The following SPNS3 variants were observed in gnomAD, a reference collection of about 807,000 sequenced individuals.
SPNS3 encodes the protein protein spinster homolog 3.
Under a neutral mutation model 54.4 loss-of-function variants are expected in SPNS3, and 51 were observed. That is an observed-to-expected ratio of 0.94 (90% confidence interval 0.75 to 1.18). SPNS3 has a LOEUF of 1.18. SPNS3 is among the 50% of genes most tolerant of loss of function. The pLI is 0.00. For missense variants in SPNS3, 669 were observed against 677.4 expected (o/e 0.99, Z 0.14); for synonymous variants, 309 against 294.7 (o/e 1.05, Z -0.50).
intron 1 of SPNS3, among the ~76,000 whole-genome samples, chr17:4,436,349 C>T (rs1970718400): frequency 6.6e-6 from 1 of 152,144 alleles, no homozygotes; most frequent in Admixed American, 6.5e-5. Context: ...CTTTGAGGAG[C>T]TCAGAGGTCA....
At chr17:4,487,232 G>A (rs1032817565) in intron 11 of SPNS3, among the ~76,000 whole-genome samples, 2 of 151,540 alleles carry the variant, frequency 1.3e-5, no homozygotes, top group African/African-American at 4.9e-5. Context: ...CCACTGCACA[G>A]GCGAAACTAG....
At chr17:4,456,713 T>G (rs533648614) in intron 8 of SPNS3, among the ~76,000 whole-genome samples, 316 of 91,006 alleles carry the variant, frequency 3.5e-3, no homozygotes, top group African/African-American at 0.02. Flanking sequence ...TGTTTTTGTG[T>G]TTTTTTTGGT....
intron 8 of SPNS3, among the ~76,000 whole-genome samples, chr17:4,453,831 A>T (rs1971234294): frequency 1.3e-5 from 2 of 152,134 alleles, no homozygotes; most frequent in African/African-American, 4.8e-5. Flanking sequence ...CAGAGGAGGG[A>T]AGCAAGGCCC....
chr17:4,446,815 C>G, intron 4 of SPNS3, 81 bp from the exon 5 acceptor site: 1 of 1,347,498 alleles, frequency 7.4e-7, no homozygotes. Context: ...GTGGGGGGGG[C>G]ACCCTGGGTC....
At chr17:4,448,492 A>T (rs884251) in intron 6 of SPNS3, among the ~76,000 whole-genome samples, 189 bp downstream of exon 6, 127,346 of 152,178 alleles carry the variant, frequency 0.84, 54,373 homozygotes, top group Non-Finnish European at 0.89. Flanking sequence ...AGCCTCCATC[A>T]CCTTGCCATG....
At chr17:4,485,359 C>T (rs1005407251) in intron 9 of SPNS3, 1 of 151,854 alleles carries the variant, frequency 6.6e-6, no homozygotes, top group Non-Finnish European at 1.5e-5. Context: ...GGATCTGGAT[C>T]GGAACCTGAG....
chr17:4,452,272 T>A (rs1480878852), intron 7 of SPNS3, among the ~76,000 whole-genome samples: 1 of 152,092 alleles, frequency 6.6e-6, no homozygotes, highest in Non-Finnish European at 1.5e-5. Flanking sequence ...GATTTAAAAA[T>A]TTTTTGTAGA....
chr17:4,435,826 G>T (rs926833795), intron 1 of SPNS3, among the ~76,000 whole-genome samples: 1 of 152,194 alleles, frequency 6.6e-6, no homozygotes. Context: ...CAGCTACTCG[G>T]GAGGCTGAGG....
At position 4,470,886 on chromosome 17, in the gene SPNS3, A is replaced by G. The variant is rs115090995; in HGVS notation, c.1114-7686A>G. Among the ~76,000 whole-genome samples the G allele has an allele frequency of 5.8e-3, 886 of 152,114 alleles. 15 individuals carry two copies. Among genetic ancestry groups the G allele is most frequent in the African/African-American group, 0.02 (825 of 41,496 alleles). On this transcript the variant is annotated intron_variant, in intron 8 of 11. Coordinates refer to ENST00000355530, the MANE Select transcript of SPNS3 (RefSeq NM_182538.5). ...ACCTCCTGATTTTTGTTATATTAAT[A>G]TCTTTACTTTTCCAGATGTAGAGCA...
chr17:4,436,917 G>A (rs1158701150), intron 1 of SPNS3, among the ~76,000 whole-genome samples: 2 of 152,200 alleles, frequency 1.3e-5, no homozygotes, highest in African/African-American at 4.8e-5. Context: ...CCAGTGTGGA[G>A]CTCTCTGAAC....
rs953490251 is a variant in SPNS3 at position 4,486,620 on chromosome 17, G to C, written c.1450+37G>C. On this transcript the variant is annotated intron_variant, in intron 11 of 11. Transcript: ENST00000355530. This position sits in a 1 kb window ranked among gnomAD's most constrained non-coding sequence, Gnocchi z 5.5. The stretch of plus-strand genomic sequence containing the variant: ...ATTGCACCAGGCCCGGCTCAGGGCC[G>C]GCACCCTAGGGACAGACAGCACTGG... 2.5e-6 allele frequency: 4 copies of C among 1,580,830 alleles called. No individual in the cohort carries two copies. The highest frequency in any genetic ancestry group is 3.4e-6 in the Non-Finnish European group (4 of 1,162,290).
chr17:4,468,763 C>CTTTCTTTCTTTCTTTCTT (rs59681919), intron 8 of SPNS3, among the ~76,000 whole-genome samples: 30 of 29,006 alleles, frequency 1.0e-3, no homozygotes, highest in Admixed American at 4.2e-3. Context: ...CTTTCTTTCT[C>CTTTCTTTCTTTCTTTCTT]TCTTTCTTTT....
At chr17:4,450,307 CTCTT>C (rs1194401885) in intron 7 of SPNS3, among the ~76,000 whole-genome samples, 10 of 148,392 alleles carry the variant, frequency 6.7e-5, no homozygotes, top group East Asian at 3.9e-4. Context: ...CCTTCCTTCT[CTCTT>C]TCTTTCTTTC....
At chr17:4,468,270 G>GA (rs959292775) in intron 8 of SPNS3, among the ~76,000 whole-genome samples, 1 of 151,492 alleles carries the variant, frequency 6.6e-6, no homozygotes, top group African/African-American at 2.4e-5. Context: ...AACATAGAGA[G>GA]AAAAAATTAA....
At position 4,486,241 on chromosome 17, in the gene SPNS3, C is replaced by T. The variant is rs776008711; in HGVS notation, c.1193C>T (p.Pro398Leu). 6.4e-7 allele frequency: 1 copy of T among 1,564,000 alleles called. No homozygotes were observed. The highest frequency in any genetic ancestry group is 8.6e-7 in the Non-Finnish European group (1 of 1,158,950). ...VADILLSVVV[P>L]RCRGTAEALQ... is the part of the protein sequence containing the mutation. Reference sequence around the variant, plus strand: ...TATGTTTTGCAGTCTGTGGTGGTGCCCAGATGCCGGGGGACGGCAGAGGCA... The same window carrying T: ...TATGTTTTGCAGTCTGTGGTGGTGCTCAGATGCCGGGGGACGGCAGAGGCA... Residue 398 changes from proline (P) to leucine (L), a missense_variant, in exon 10 of 12, where the codon CCC becomes CTC. Transcript: ENST00000355530. The surrounding 1 kb of genome is among the most constrained non-coding windows in gnomAD (Gnocchi z 5.5).
At chr17:4,485,495 T>C (rs1972288421) in intron 9 of SPNS3, among the ~76,000 whole-genome samples, 2 of 152,034 alleles carry the variant, frequency 1.3e-5, no homozygotes. Flanking sequence ...CCTCCCGTGT[T>C]CAAGCAATTC....
intron 8 of SPNS3, among the ~76,000 whole-genome samples, chr17:4,466,665 A>G (rs1233901625): frequency 1.3e-5 from 2 of 151,800 alleles, no homozygotes; most frequent in Non-Finnish European, 2.9e-5. Context: ...AACATGGTGA[A>G]ACCCTGCCTC....
chr17:4,487,987 C>A lies in SPNS3; in HGVS notation c.*93C>A. 9.1e-7 allele frequency: 1 copy of A among 1,103,404 alleles called. No homozygotes were observed. Among genetic ancestry groups the A allele is most frequent in the South Asian group, 1.4e-5 (1 of 73,462 alleles). 68.4% of individuals were successfully genotyped at this position (1,103,404 alleles called of 1,614,324 possible). On this transcript the variant is annotated 3_prime_UTR_variant, in exon 12 of 12. Transcript: ENST00000355530. ...CCTCTTTGGCTGTCCTCGGGGACTCCGGCTGAGGCACATCTGCCACTTTTG... is the reference window on the plus strand; with the variant it reads ...CCTCTTTGGCTGTCCTCGGGGACTCAGGCTGAGGCACATCTGCCACTTTTG...
At chr17:4,478,712 G>A in intron 9 of SPNS3, 75 bp downstream of exon 9, 1 of 1,466,484 alleles carries the variant, frequency 6.8e-7, no homozygotes, top group Non-Finnish European at 9.3e-7. Context: ...CTGAGCAGCT[G>A]GGCACTGGCG....
Sources: allele counts gnomAD v4.1 joint callset (sites outside exome capture counted in the v4.1 genomes callset), GRCh38; gene constraint gnomAD v4.1.1; non-coding constraint Gnocchi (gnomAD v3.1); transcripts MANE v1.5; gene names NCBI Gene and HGNC (gene_info 2026-07-23, HGNC 2026-07-21).